Variants in GOLGA1 observed in about 807,000 individuals in gnomAD.
GOLGA1 encodes golgin subfamily A member 1.
In GOLGA1, 63 loss-of-function variants were observed where a neutral mutation model predicts 119.7. The observed-to-expected ratio is 0.53, with a 90% CI of 0.43 to 0.65. The LOEUF (loss-of-function observed/expected upper bound fraction) is 0.65. Ranked by LOEUF, GOLGA1 falls within the 30% of genes least tolerant of loss-of-function variation. GOLGA1 has a pLI of 0.00. For synonymous variants in GOLGA1, 318 were observed against 333.4 expected (o/e 0.95, Z 0.50); for missense variants, 798 against 912.8 (o/e 0.87, Z 1.62).
chr9:124,897,740 A>T (rs927957895), intron 15 of GOLGA1, among the ~76,000 whole-genome samples: 1 of 152,222 alleles, frequency 6.6e-6, no homozygotes, highest in Non-Finnish European at 1.5e-5. Context: ...CTGACTCCAA[A>T]GTCCATGCTT....
chr9:124,900,281 C>T, intron 13 of GOLGA1, 171 bp downstream of exon 13: 1 of 494,240 alleles, frequency 2.0e-6, no homozygotes, highest in Admixed American at 3.8e-5. Flanking sequence ...CCATTAGGTC[C>T]TGACTCCCTC....
At chr9:124,928,823 T>C (rs1042051478) in intron 5 of GOLGA1, among the ~76,000 whole-genome samples, 2 of 152,178 alleles carry the variant, frequency 1.3e-5, no homozygotes, top group African/African-American at 2.4e-5. Flanking sequence ...GTATGATTTA[T>C]TGCTGAGGGA....
intron 15 of GOLGA1, among the ~76,000 whole-genome samples, chr9:124,893,460 T>G (rs1416704040): frequency 6.6e-6 from 1 of 152,118 alleles, no homozygotes; most frequent in Non-Finnish European, 1.5e-5. Context: ...TGTTTACCTA[T>G]CTTTGATTTT....
chr9:124,933,373 T>G (rs886433504), intron 3 of GOLGA1, among the ~76,000 whole-genome samples: 1 of 152,182 alleles, frequency 6.6e-6, no homozygotes, highest in African/African-American at 2.4e-5. Context: ...TGCAAAAATA[T>G]GGGTTTATGC....
rs763593914 is a variant in GOLGA1 at position 124,923,110 on chromosome 9, A to G, written c.546T>C (p.Ser182=). 5 of 1,608,014 alleles carry G rather than the reference A, an allele frequency of 3.1e-6. No individual in the cohort carries two copies. The highest frequency in any genetic ancestry group is 2.5e-6 in the Non-Finnish European group (3 of 1,176,554). ...ELEGFQQQEL[S]KIKHMLLKKE... is the part of the protein sequence containing the mutation. ...AAATGCATACCATGTGCTTTATTTTACTTAGTTCCTGCTGCTGGAACCCCT... is the reference window on the plus strand; with the variant it reads ...AAATGCATACCATGTGCTTTATTTTGCTTAGTTCCTGCTGCTGGAACCCCT... The change falls in exon 8 of 23, where the codon AGT becomes AGC. Residue 182 remains serine (S), a synonymous_variant. Transcript: ENST00000373555.
At chr9:124,895,840 A>AACCATCCCCAACAGAG in intron 15 of GOLGA1, among the ~76,000 whole-genome samples, 1 of 147,912 alleles carries the variant, frequency 6.8e-6, no homozygotes, top group African/African-American at 2.5e-5. Context: ...CACAACAGAG[A>AACCATCCCCAACAGAG]ACCCTCCACA....
intron 15 of GOLGA1, among the ~76,000 whole-genome samples, chr9:124,890,712 T>G (rs966424084): frequency 6.6e-6 from 1 of 151,974 alleles, no homozygotes; most frequent in African/African-American, 2.4e-5. Flanking sequence ...TGAGGATCGA[T>G]TGCCCCACGA....
At position 124,908,484 on chromosome 9, in the gene GOLGA1, A is replaced by C; in HGVS notation, c.970-12T>G. On this transcript the variant is annotated splice_polypyrimidine_tract_variant and intron_variant, in intron 11 of 22. Transcript: ENST00000373555. ...TCAGCAAGTGTTTTCTGTAAGTTGA[A>C]AGAAGAGTAAAAGAAGACTATCATT... 1 of 1,377,946 alleles carries C rather than the reference A, an allele frequency of 7.3e-7. No individual in the cohort carries two copies. Among genetic ancestry groups the C allele is most frequent in the Middle Eastern group, 1.8e-4 (1 of 5,640 alleles). 85.4% of individuals were successfully genotyped at this position (1,377,946 alleles called of 1,614,324 possible).
intron 10 of GOLGA1, among the ~76,000 whole-genome samples, chr9:124,912,704 G>A (rs1360264974): frequency 3.3e-5 from 5 of 151,982 alleles, no homozygotes; most frequent in East Asian, 1.9e-4. Context: ...CACCACACCC[G>A]GCTAATTTTT....
At chr9:124,917,655 C>T (rs970330461) in intron 10 of GOLGA1, among the ~76,000 whole-genome samples, 1 of 152,138 alleles carries the variant, frequency 6.6e-6, no homozygotes, top group Non-Finnish European at 1.5e-5. Flanking sequence ...ATCTGTTATT[C>T]TCTCTTATTC....
At chr9:124,943,854 T>TAA (rs1831098510), upstream of GOLGA1, 4 of 152,186 alleles carry the variant, frequency 2.6e-5, no homozygotes, top group Non-Finnish European at 5.9e-5. Flanking sequence ...TGTCCTGAAA[T>TAA]TACAATAATT....
upstream of GOLGA1, chr9:124,944,894 A>T (rs1588108015): frequency 6.6e-6 from 1 of 152,228 alleles, no homozygotes; most frequent in East Asian, 1.9e-4. Flanking sequence ...TCAGTGATAT[A>T]ACAAACATTT....
Position 124,881,291 on chromosome 9 carries a change from T to G in GOLGA1, c.2137-34A>C. 10 of 1,224,498 alleles carry G rather than the reference T, an allele frequency of 8.2e-6. No individual in the cohort carries two copies. Among genetic ancestry groups the G allele is most frequent in the Non-Finnish European group, 9.7e-6 (8 of 823,826 alleles). 75.9% of individuals were successfully genotyped at this position (1,224,498 alleles called of 1,614,324 possible). A position where few individuals can be genotyped will look rare whatever the true frequency, so the allele number is the denominator to read the frequency against. ...CAGTAAGTTTTGCTGCCATAGGCCT[T>G]GGTGAAGGTGAGGCGGGGTGGGGTC... On this transcript the variant is annotated intron_variant, in intron 21 of 22. Transcript: ENST00000373555. This position sits in a 1 kb window ranked among gnomAD's most constrained non-coding sequence, Gnocchi z 4.9.
chr9:124,925,915 G>A (rs1164392514), intron 7 of GOLGA1, among the ~76,000 whole-genome samples: 1 of 152,016 alleles, frequency 6.6e-6, no homozygotes. Context: ...GTACCTGTAC[G>A]GTGTTATGCA....
At chr9:124,901,424 C>T (rs1225856030) in intron 12 of GOLGA1, among the ~76,000 whole-genome samples, 1 of 150,106 alleles carries the variant, frequency 6.7e-6, no homozygotes, top group Non-Finnish European at 1.5e-5. Context: ...GCGCACGCCA[C>T]CACGCCCAGC....
At chr9:124,902,616 A>C (rs1311559120) in intron 12 of GOLGA1, among the ~76,000 whole-genome samples, 1 of 151,616 alleles carries the variant, frequency 6.6e-6, no homozygotes, top group Non-Finnish European at 1.5e-5. Flanking sequence ...CAGCCTCCTG[A>C]GTAGCTGGGA....
rs1274707797 is a variant in GOLGA1 at position 124,881,999 on chromosome 9, A to C, written c.1966-45T>G. 1 of 1,435,270 alleles carries C rather than the reference A, an allele frequency of 7.0e-7. No individual in the cohort carries two copies. Among genetic ancestry groups the C allele is most frequent in the Non-Finnish European group, 9.5e-7 (1 of 1,052,540 alleles). The allele number at this position is 1,435,270 out of a possible 1,614,324, so 88.9% of individuals were successfully genotyped here. A position where few individuals can be genotyped will look rare whatever the true frequency, so the allele number is the denominator to read the frequency against. On this transcript the variant is annotated intron_variant, in intron 20 of 22. Coordinates refer to ENST00000373555, the MANE Select transcript of GOLGA1 (RefSeq NM_002077.4). This position sits in a 1 kb window ranked among gnomAD's most constrained non-coding sequence, Gnocchi z 4.9. ...GATGCTACACCGAACCCTCTGAGAC[A>C]GGTGGAAAAAATCACACGGGAGGTT...
In GOLGA1 at chr9:124,946,855, A is replaced by T. The variant is rs970415660; in HGVS notation, c.-156+1063T>A. On this transcript the variant is annotated intron_variant, in intron 1 of 4. Transcript: ENST00000421514. The surrounding 1 kb of genome is among the most constrained non-coding windows in gnomAD (Gnocchi z 4.0). ...TGAAGGCATTTTATTCAGTGGAAGC[A>T]TTTTCTCAGATGAGCCTACTCACCT... The T allele has an allele frequency of 2.0e-5, 3 of 152,328 alleles. No individual in the cohort carries two copies. The highest frequency in any genetic ancestry group is 6.5e-5 in the Admixed American group (1 of 15,296). 9.4% of individuals were successfully genotyped at this position (152,328 alleles called of 1,614,324 possible).
intron 10 of GOLGA1, among the ~76,000 whole-genome samples, chr9:124,918,621 C>T (rs1466822032): frequency 6.6e-6 from 1 of 151,728 alleles, no homozygotes; most frequent in Non-Finnish European, 1.5e-5. Flanking sequence ...AAAATTAGCC[C>T]GGTTGGTGCC....
Sources: allele counts gnomAD v4.1 joint callset (sites outside exome capture counted in the v4.1 genomes callset), GRCh38; gene constraint gnomAD v4.1.1; non-coding constraint Gnocchi (gnomAD v3.1); transcripts MANE v1.5; gene names NCBI Gene and HGNC (gene_info 2026-07-23, HGNC 2026-07-21).